Variants in CNTN4 observed in about 807,000 individuals in gnomAD.
CNTN4 encodes contactin 4, also known as contactin-4.
A neutral mutation model predicts 122.5 loss-of-function variants in CNTN4; 77 were observed. That is an observed-to-expected ratio of 0.63 (90% CI 0.52 to 0.76). The LOEUF is 0.76. Among genes scored for constraint, CNTN4 ranks in the 30% least tolerant of loss-of-function variants. The pLI is 0.00. For synonymous variants in CNTN4, 512 were observed against 447.0 expected (o/e 1.15, Z -1.83); for missense variants, 1,256 against 1,259.1 (o/e 1.00, Z 0.04).
chr3:2,465,525 A>C (rs1330285505), intron 3 of CNTN4, among the ~76,000 whole-genome samples: 1 of 152,068 alleles, frequency 6.6e-6, no homozygotes, highest in Non-Finnish European at 1.5e-5. Flanking sequence ...AAAATATAAA[A>C]AATTAACCGG....
chr3:2,328,216 T>G (rs956932313), intron 2 of CNTN4, among the ~76,000 whole-genome samples: 2 of 151,978 alleles, frequency 1.3e-5, no homozygotes, highest in Non-Finnish European at 2.9e-5. Flanking sequence ...CCATCCTGGC[T>G]AACACGGTGA....
intron 8 of CNTN4, among the ~76,000 whole-genome samples, chr3:2,875,771 G>A (rs12633751): frequency 0.11 from 17,323 of 152,218 alleles, 1,932 homozygotes; most frequent in East Asian, 0.65. Flanking sequence ...CACGTACAGA[G>A]ATAGAGTGTT....
chr3:2,797,113 G>A (rs780573560), intron 6 of CNTN4, among the ~76,000 whole-genome samples: 7 of 152,152 alleles, frequency 4.6e-5, no homozygotes, highest in Non-Finnish European at 7.4e-5. Context: ...TGATCCTCCT[G>A]CCTCAGCCTC....
At chr3:2,183,014 G>A (rs755638915) in intron 2 of CNTN4, among the ~76,000 whole-genome samples, 1 of 151,984 alleles carries the variant, frequency 6.6e-6, no homozygotes, top group Non-Finnish European at 1.5e-5. Flanking sequence ...TAAAATTTTA[G>A]CTCTAACTCA....
At chr3:2,567,618 C>G (rs2079230127) in intron 3 of CNTN4, among the ~76,000 whole-genome samples, 1 of 152,168 alleles carries the variant, frequency 6.6e-6, no homozygotes, top group South Asian at 2.1e-4. Context: ...TCTTGCTGCT[C>G]TTTTATAGAT....
intron 2 of CNTN4, among the ~76,000 whole-genome samples, chr3:2,166,135 C>T (rs1428189518): frequency 1.3e-5 from 2 of 152,024 alleles, no homozygotes; most frequent in African/African-American, 2.4e-5. Context: ...TACTGTTTTG[C>T]ATAATGGTAT....
chr3:2,926,349 A>C (rs1438579187), intron 13 of CNTN4, among the ~76,000 whole-genome samples: 1 of 152,190 alleles, frequency 6.6e-6, no homozygotes, highest in Non-Finnish European at 1.5e-5. Flanking sequence ...CTTCATCTGT[A>C]TATTTCTTAT....
intron 4 of CNTN4, among the ~76,000 whole-genome samples, chr3:2,657,913 A>G (rs1299755921): frequency 2.6e-5 from 4 of 151,488 alleles, no homozygotes; most frequent in Non-Finnish European, 5.9e-5. Flanking sequence ...GATAACACTG[A>G]CAAATTATTC....
chr3:2,605,493 T>C (rs1454152457), intron 4 of CNTN4, among the ~76,000 whole-genome samples: 2 of 152,150 alleles, frequency 1.3e-5, no homozygotes, highest in Non-Finnish European at 2.9e-5. Context: ...TGTCTTGATA[T>C]GATCTAAATT....
At chr3:2,904,311 T>C (rs748089880) in intron 12 of CNTN4, among the ~76,000 whole-genome samples, 2 of 152,178 alleles carry the variant, frequency 1.3e-5, no homozygotes, top group African/African-American at 2.4e-5. Flanking sequence ...AAAACATTCA[T>C]TGGTGCCTAG....
intron 3 of CNTN4, among the ~76,000 whole-genome samples, chr3:2,525,572 T>A (rs1298990908): frequency 6.6e-6 from 1 of 152,188 alleles, no homozygotes; most frequent in East Asian, 1.9e-4. Flanking sequence ...GTTACTTCAA[T>A]GTTGAACACA....
At chr3:2,400,451 C>CATATATATATATATATATATATATATA (rs1559520108) in intron 3 of CNTN4, among the ~76,000 whole-genome samples, 1 of 107,988 alleles carries the variant, frequency 9.3e-6, no homozygotes, top group Non-Finnish European at 2.0e-5. Context: ...ATATATATAT[C>CATATATATATATATATATATATATATA]TCTTTTTTTC....
At chr3:2,507,766 GA>G (rs2076773725) in intron 3 of CNTN4, among the ~76,000 whole-genome samples, 1 of 144,374 alleles carries the variant, frequency 6.9e-6, no homozygotes, top group South Asian at 2.2e-4. Context: ...AAAGAAAAAA[GA>G]AAATTGGCTT....
intron 4 of CNTN4, among the ~76,000 whole-genome samples, chr3:2,645,980 A>G (rs1299946634): frequency 1.3e-5 from 2 of 152,212 alleles, no homozygotes; most frequent in Non-Finnish European, 2.9e-5. Context: ...GTGGGAATAT[A>G]TATACTGTAG....
intron 3 of CNTN4, among the ~76,000 whole-genome samples, chr3:2,476,144 C>T (rs943393565): frequency 2.0e-5 from 3 of 152,128 alleles, no homozygotes; most frequent in African/African-American, 4.8e-5. Context: ...GGACTGCTGG[C>T]CTTCAGCAAG....
intron 3 of CNTN4, among the ~76,000 whole-genome samples, chr3:2,392,150 C>A (rs1191612430): frequency 6.6e-6 from 1 of 152,212 alleles, no homozygotes; most frequent in Non-Finnish European, 1.5e-5. Flanking sequence ...GTCTCTCAGC[C>A]TTCCCAAATC....
chr3:2,210,807 G>A (rs142282448), intron 2 of CNTN4, among the ~76,000 whole-genome samples: 387 of 152,146 alleles, frequency 2.5e-3, no homozygotes, highest in Middle Eastern at 0.01. Flanking sequence ...TACATCAAAA[G>A]GTCTTTGGAA....
intron 14 of CNTN4, among the ~76,000 whole-genome samples, chr3:3,004,481 C>T (rs1158531845): frequency 2.0e-5 from 3 of 152,196 alleles, no homozygotes; most frequent in Non-Finnish European, 4.4e-5. Context: ...CAGAGAAGGT[C>T]TCTGACAGAT....
chr3:2,441,508 G>A (rs1022310122), intron 3 of CNTN4, among the ~76,000 whole-genome samples: 4 of 152,142 alleles, frequency 2.6e-5, no homozygotes, highest in African/African-American at 9.7e-5. Flanking sequence ...ATAACCTTTG[G>A]GGGCCTCTTC....
Sources: allele counts gnomAD v4.1 joint callset (sites outside exome capture counted in the v4.1 genomes callset), GRCh38; gene constraint gnomAD v4.1.1; transcripts MANE v1.5; gene names NCBI Gene and HGNC (gene_info 2026-07-23, HGNC 2026-07-21).